The following ARHGAP32 variants were observed in gnomAD, a reference collection of about 807,000 sequenced individuals.
ARHGAP32 encodes Rho GTPase activating protein 32.
ARHGAP32 carries 51 observed loss-of-function variants against 186.5 expected under a neutral mutation model. That is an observed-to-expected ratio of 0.27 (90% CI 0.22 to 0.35). The LOEUF is 0.35. Among genes scored for constraint, ARHGAP32 ranks in the 10% least tolerant of loss-of-function variants. ARHGAP32 has a pLI of 1.00. For missense variants in ARHGAP32, 2,186 were observed against 2,623.5 expected, an observed-to-expected ratio of 0.83 and a Z score of 3.64; for synonymous variants, 950 against 964.3, an observed-to-expected ratio of 0.99 and a Z score of 0.27.
intron 1 of ARHGAP32, among the ~76,000 whole-genome samples, chr11:129,199,870 C>T (rs1353878694): frequency 1.3e-5 from 2 of 152,176 alleles, no homozygotes; most frequent in Non-Finnish European, 2.9e-5. Flanking sequence ...GTGAAAGCAG[C>T]CAGGAGGGAG....
chr11:129,046,452 C>T (rs2135052953), intron 10 of ARHGAP32, among the ~76,000 whole-genome samples: 1 of 152,282 alleles, frequency 6.6e-6, no homozygotes, highest in South Asian at 2.1e-4. Flanking sequence ...GCCTATCCAC[C>T]TCTAACAGCT....
intron 5 of ARHGAP32, among the ~76,000 whole-genome samples, chr11:129,108,919 A>T (rs1454378894): frequency 6.6e-6 from 1 of 152,178 alleles, no homozygotes; most frequent in African/African-American, 2.4e-5. Flanking sequence ...TATGTACTGG[A>T]AACATTTCAA....
intron 1 of ARHGAP32, among the ~76,000 whole-genome samples, 164 bp from the exon 2 acceptor site, chr11:129,164,591 G>A (rs1943594829): frequency 6.6e-6 from 1 of 152,118 alleles, no homozygotes; most frequent in Admixed American, 6.6e-5. Flanking sequence ...CTGGCTTTCA[G>A]AGGTCTCTCC....
intron 6 of ARHGAP32, among the ~76,000 whole-genome samples, chr11:129,078,254 G>T (rs113342642): frequency 2.6e-5 from 4 of 152,092 alleles, no homozygotes; most frequent in Admixed American, 6.5e-5. Context: ...CTAGGGGAAG[G>T]GGGTGAGCAC....
At chr11:129,163,005 T>C (rs886470516) in intron 2 of ARHGAP32, among the ~76,000 whole-genome samples, 2 of 152,180 alleles carry the variant, frequency 1.3e-5, no homozygotes, top group Non-Finnish European at 2.9e-5. Flanking sequence ...ATACTGCAAA[T>C]TCCATTTAAC....
chr11:129,255,640 A>G lies in ARHGAP32; in HGVS notation c.-5+23506T>C, dbSNP rs79981378. 9.4e-3 allele frequency among the ~76,000 whole-genome samples: 1,428 copies of G among 152,148 alleles called. 71 individuals carry two copies. Among genetic ancestry groups the G allele is most frequent in the Admixed American group, 0.073 (1,120 of 15,264 alleles). ...CAATACAAGTATCTGACAAAAAACT[A>G]GTAGTCAGAATATAAAAAAGACTCT... On this transcript the variant is annotated intron_variant, in intron 1 of 6. Transcript: ENST00000525234.
chr11:129,213,995 C>T (rs889969946), intron 1 of ARHGAP32, among the ~76,000 whole-genome samples: 2 of 151,964 alleles, frequency 1.3e-5, no homozygotes, highest in African/African-American at 4.8e-5. Flanking sequence ...GCAGACCCCT[C>T]CGGAAAACCC....
At chr11:129,004,582 A>T (rs1937663634) in intron 11 of ARHGAP32, among the ~76,000 whole-genome samples, 1 of 151,978 alleles carries the variant, frequency 6.6e-6, no homozygotes. Context: ...CAGTTGTTAT[A>T]TCTTTTGGCT....
At chr11:129,202,891 G>C (rs35133229) in intron 1 of ARHGAP32, 1 of 151,978 alleles carries the variant, frequency 6.6e-6, no homozygotes, top group Non-Finnish European at 1.5e-5. Context: ...GTGCAAGGGG[G>C]GGAAAATAAA....
intron 10 of ARHGAP32, among the ~76,000 whole-genome samples, chr11:129,053,044 T>C (rs1173061835): frequency 2.0e-5 from 3 of 152,052 alleles, no homozygotes; most frequent in East Asian, 3.8e-4. Context: ...AACCTGCACA[T>C]TGTGCACATG....
intron 10 of ARHGAP32, among the ~76,000 whole-genome samples, chr11:129,056,800 A>C (rs1940270145): frequency 6.6e-6 from 1 of 152,170 alleles, no homozygotes; most frequent in Admixed American, 6.5e-5. Context: ...CGAGCTTCAG[A>C]AAGTGTTGCA....
At chr11:129,273,136 T>C (rs1261129236) in intron 1 of ARHGAP32, among the ~76,000 whole-genome samples, 1 of 152,218 alleles carries the variant, frequency 6.6e-6, no homozygotes, top group Admixed American at 6.5e-5. Flanking sequence ...AACTGCCAGA[T>C]CATTCCACTA....
intron 5 of ARHGAP32, among the ~76,000 whole-genome samples, chr11:129,097,447 AAAATAGAAATATCAAT>A (rs1280452034): frequency 6.6e-6 from 1 of 152,202 alleles, no homozygotes; most frequent in African/African-American, 2.4e-5. Flanking sequence ...TTATATAAAC[AAAATAGAAATATCAAT>A]AAAGAGATAA....
At chr11:129,074,870 C>CA (rs1163099697) in intron 6 of ARHGAP32, among the ~76,000 whole-genome samples, 6 of 151,516 alleles carry the variant, frequency 4.0e-5, no homozygotes, top group Admixed American at 6.6e-5. Context: ...CAATTAAAAA[C>CA]AAAAAAAGAG....
rs528274886 is a variant in ARHGAP32, at chr11:129,080,493, C to A, written c.531+13128G>T. Among the ~76,000 whole-genome samples the A allele has an allele frequency of 3.9e-3, 592 of 152,194 alleles. 2 individuals carry two copies. Among genetic ancestry groups the A allele is most frequent in the African/African-American group, 0.014 (566 of 41,548 alleles). ...TACATGGAAATTAAATAATCTGTTC[C>A]TGAATGATTGTTGGGTCAACAATGA... On this transcript the variant is annotated intron_variant, in intron 6 of 22. Transcript: ENST00000682385.
chr11:129,156,866 G>A (rs536834921), intron 2 of ARHGAP32, among the ~76,000 whole-genome samples: 1 of 152,324 alleles, frequency 6.6e-6, no homozygotes, highest in South Asian at 2.1e-4. Flanking sequence ...CTGGGACGAA[G>A]CTTCCAGAGA....
At chr11:129,259,820 A>T (rs757479074) in intron 1 of ARHGAP32, among the ~76,000 whole-genome samples, 1 of 152,200 alleles carries the variant, frequency 6.6e-6, no homozygotes, top group Non-Finnish European at 1.5e-5. Context: ...TGCTATGCAG[A>T]CATGAGATTC....
chr11:129,157,853 G>A (rs1277676888), intron 2 of ARHGAP32, among the ~76,000 whole-genome samples: 1 of 152,154 alleles, frequency 6.6e-6, no homozygotes, highest in African/African-American at 2.4e-5. Flanking sequence ...ACCCACAAAG[G>A]GAAGCCCATC....
intron 11 of ARHGAP32, among the ~76,000 whole-genome samples, chr11:129,021,965 A>G (rs1432548922): frequency 2.0e-5 from 3 of 152,100 alleles, no homozygotes; most frequent in African/African-American, 7.2e-5. Context: ...GGAATGGGAT[A>G]TTATATACAG....
Sources: gnomAD v4.1 joint callset for allele counts (sites outside exome capture counted in the v4.1 genomes callset) on GRCh38, gnomAD v4.1.1 for gene constraint, MANE v1.5 for transcripts, NCBI Gene and HGNC (gene_info 2026-07-23, HGNC 2026-07-21) for gene names.